The following DPH2 variants were observed in gnomAD, a reference collection of about 807,000 sequenced individuals.
DPH2 encodes 2-(3-amino-3-carboxypropyl)histidine synthase subunit 2.
DPH2 carries 28 observed loss-of-function variants against 42.5 expected under a neutral mutation model. That is an observed-to-expected ratio of 0.66 (90% confidence interval 0.49 to 0.90). The LOEUF (loss-of-function observed/expected upper bound fraction) is 0.90, where lower values mean the gene tolerates loss of function less well. DPH2 is among the 40% of genes least tolerant of loss of function. The probability of loss-of-function intolerance (pLI) is 0.00; values close to 1 mark genes in which losing one functional copy is unlikely to be tolerated. For synonymous variants in DPH2, 279 were observed against 264.4 expected (o/e 1.06, Z -0.53); for missense variants, 576 against 636.0 (o/e 0.91, Z 1.01).
rs747595483 is a variant in DPH2 at position 43,971,451 on chromosome 1, C to A, written c.549C>A (p.Pro183=). Residue 183 remains proline, a synonymous_variant, in exon 4 of 6, where the codon CCC becomes CCA. Transcript: ENST00000255108. The part of the protein sequence containing the change: ...LDLLVSSPAF[P]QPVGSLSPEP... ...TGCTAGTCTCCAGCCCAGCTTTTCC[C>A]CAACCAGTGGGTTCCCTGAGTCCAG... The A allele has an allele frequency of 7.4e-6, 12 of 1,612,818 alleles. No homozygotes were observed. The South Asian group carries it at 1.1e-4, about 15-fold the overall frequency.
Position 43,971,063 on chromosome 1 carries a change from G to T in DPH2, c.358G>T (p.Val120Phe), listed in dbSNP as rs1455953541. 6.4e-7 allele frequency: 1 copy of T among 1,572,208 alleles called. No homozygotes were observed. Among genetic ancestry groups the T allele is most frequent in the Non-Finnish European group, 8.6e-7 (1 of 1,157,628 alleles). ...AAGCCCTCCAGCCCGCCCACTGCCCGTTGCCTTCGTGCTTCGTCAACGTTC... is the reference window on the plus strand; with the variant it reads ...AAGCCCTCCAGCCCGCCCACTGCCCTTTGCCTTCGTGCTTCGTCAACGTTC... Reference protein sequence around the residue: ...CLSPPARPLPVAFVLRQRSVA... With the variant: ...CLSPPARPLPFAFVLRQRSVA... The change falls in exon 3 of 6, where the codon GTT (valine) becomes TTT (phenylalanine). Residue 120 changes from valine to phenylalanine, a missense_variant. Val to Phe is a conservative substitution (Grantham distance 50). Around this residue, in one of 3 missense-constraint regions of DPH2, gnomAD observed 395 missense variants for 435.2 expected, o/e 0.91. Coordinates refer to ENST00000255108, the MANE Select transcript of DPH2 (RefSeq NM_001384.5).
chr1:43,971,123 GC>G lies in DPH2; in HGVS notation c.421del (p.Gln141ArgfsTer12), dbSNP rs889601510. 1.9e-6 allele frequency: 3 copies of G among 1,558,412 alleles called. No homozygotes were observed. In the African/African-American group the frequency reaches 4.1e-5, roughly 21 times the overall value. ...GGAGCTCTGTGTCAAGGCCTTTGAGGCCCAGAACCCAGACCCCAAAGCGCCT... is the reference window on the plus strand; with the variant it reads ...GGAGCTCTGTGTCAAGGCCTTTGAGGCCAGAACCCAGACCCCAAAGCGCCT... ...ALELCVKAFE[A>X]QNPDPKAPVV... is the part of the protein sequence containing the mutation. On this transcript the variant is annotated frameshift_variant, in exon 3 of 6. Transcript: ENST00000255108. LOFTEE classifies it high-confidence loss of function.
chr1:43,970,914 G>A (rs1437702749), intron 2 of DPH2, 52 bp from the exon 3 acceptor site: 1 of 1,530,906 alleles, frequency 6.5e-7, no homozygotes, highest in Non-Finnish European at 8.9e-7. Flanking sequence ...AGTGATGACA[G>A]CAACTCGCCT....
In DPH2 at chr1:43,970,302, C is replaced by T. The variant is rs1481785004; in HGVS notation, c.127C>T (p.Arg43Cys). Reference protein sequence around the residue: ...YELERVAGFVRDLGCERVALQ... With the variant: ...YELERVAGFVCDLGCERVALQ... ...GCTGGAGCGAGTCGCTGGATTTGTC[C>T]GCGACCTGGGGTGTGAACGAGTGAG... The change falls in exon 1 of 6, where the codon CGC becomes TGC. Residue 43 changes from arginine (R) to cysteine (C), a missense_variant. Arg to Cys is a radical substitution (Grantham distance 180). Coordinates refer to ENST00000255108, the MANE Select transcript of DPH2 (RefSeq NM_001384.5). The T allele has an allele frequency of 6.2e-7, 1 of 1,614,096 alleles. No homozygotes were observed. The highest frequency in any genetic ancestry group is 8.5e-7 in the Non-Finnish European group (1 of 1,179,994).
At position 43,970,189 on chromosome 1, in the gene DPH2, T is replaced by G; in HGVS notation, c.14T>G (p.Phe5Cys). The change falls in exon 1 of 6, where the codon TTT (phenylalanine) becomes TGT (cysteine). Residue 5 changes from phenylalanine (F) to cysteine (C), a missense_variant. By Grantham distance (205) the Phe-to-Cys change is radical (BLOSUM62 -2). Around this residue, in one of 3 missense-constraint regions of DPH2, gnomAD observed 395 missense variants for 435.2 expected, o/e 0.91. Coordinates refer to ENST00000255108, the MANE Select transcript of DPH2 (RefSeq NM_001384.5). MESM[F>C]SSPAEAALQR... ...AAGCTGTGCCTCATGGAGTCGATGT[T>G]TAGCAGCCCTGCCGAGGCGGCGCTG... 1 of 1,614,040 alleles carries G rather than the reference T, an allele frequency of 6.2e-7. No homozygotes were observed. Among genetic ancestry groups the G allele is most frequent in the South Asian group, 1.1e-5 (1 of 91,068 alleles).
Position 43,972,646 on chromosome 1 carries a change from T to C in DPH2, c.*107T>C, listed in dbSNP as rs2085460435. The C allele has an allele frequency of 6.6e-7, 1 of 1,510,200 alleles. No homozygotes were observed. Among genetic ancestry groups the C allele is most frequent in the Non-Finnish European group, 9.0e-7 (1 of 1,112,740 alleles). The allele number at this position is 1,510,200 out of a possible 1,614,324, so 93.5% of individuals were successfully genotyped here. A position where few individuals can be genotyped will look rare whatever the true frequency, so the allele number is the denominator to read the frequency against. On this transcript the variant is annotated 3_prime_UTR_variant, in exon 6 of 6. Coordinates refer to ENST00000255108, the MANE Select transcript of DPH2 (RefSeq NM_001384.5). ...CCCTGCCAAGATCCTTGAAGGACCC[T>C]GGAAGGAGGGAGAGCAGGCAGCCCT...
chr1:43,970,771 A>G (rs756206247), intron 2 of DPH2, 63 bp downstream of exon 2: 7 of 1,489,916 alleles, frequency 4.7e-6, no homozygotes, highest in African/African-American at 1.4e-5. Flanking sequence ...TTTTACGTCT[A>G]TGACAGTGAT....
chr1:43,972,744 T>G lies in DPH2; in HGVS notation c.*205T>G, dbSNP rs2085462650. On this transcript the variant is annotated 3_prime_UTR_variant, in exon 6 of 6. Coordinates refer to ENST00000255108, the MANE Select transcript of DPH2 (RefSeq NM_001384.5). ...TCAGCACATGCCCAGTAATGCGTGT[T>G]GTTTGGCTGATGGAATAAAGGGCTT... The G allele has an allele frequency of 1.5e-6, 1 of 671,952 alleles. No individual in the cohort carries two copies. Among genetic ancestry groups the G allele is most frequent in the Non-Finnish European group, 2.4e-6 (1 of 410,338 alleles). The allele number at this position is 671,952 out of a possible 1,614,324, so 41.6% of individuals were successfully genotyped here. A position where few individuals can be genotyped will look rare whatever the true frequency, so the allele number is the denominator to read the frequency against.
rs1166073957 is a variant in DPH2 at position 43,971,763 on chromosome 1, G to A, written c.861G>A (p.Leu287=). The A allele has an allele frequency of 2.5e-6, 4 of 1,609,970 alleles. No homozygotes were observed. The highest frequency in any genetic ancestry group is 2.5e-6 in the Non-Finnish European group (3 of 1,179,746). The change falls in exon 4 of 6, where the codon CTG becomes CTA. Residue 287 remains leucine, a synonymous_variant. Transcript: ENST00000255108. Reference sequence around the variant, plus strand: ...GAGATGCCCGCGTGGTAGGGCTGCTGGCAGGCACACTGGGTGTAGCCCAAC... The same window carrying A: ...GAGATGCCCGCGTGGTAGGGCTGCTAGCAGGCACACTGGGTGTAGCCCAAC... ...RARDARVVGL[L]AGTLGVAQHR...
Position 43,972,447 on chromosome 1 carries a change from C to G in DPH2, c.1378C>G (p.Leu460Val), listed in dbSNP as rs2085454883. ...SFLSSRSWQG[L>V]EPRLGQTPVT... ...CCTTAGTTCCCGGAGCTGGCAAGGGCTGGAGCCCCGCCTGGGTCAGACGCC... is the reference window on the plus strand; with the variant it reads ...CCTTAGTTCCCGGAGCTGGCAAGGGGTGGAGCCCCGCCTGGGTCAGACGCC... The change falls in exon 6 of 6, where the codon CTG (leucine) becomes GTG (valine). Residue 460 changes from leucine to valine, a missense_variant. Leu to Val is a conservative substitution (Grantham distance 32). Coordinates refer to ENST00000255108, the MANE Select transcript of DPH2 (RefSeq NM_001384.5). 1 of 1,614,246 alleles carries G rather than the reference C, an allele frequency of 6.2e-7. No individual in the cohort carries two copies. The highest frequency in any genetic ancestry group is 8.5e-7 in the Non-Finnish European group (1 of 1,180,040).
In DPH2 at chr1:43,970,306, A is replaced by G. The variant is rs1201009507; in HGVS notation, c.131A>G (p.Asp44Gly). The change falls in exon 1 of 6, where the codon GAC becomes GGC. Residue 44 changes from aspartate (D) to glycine (G), a missense_variant. Asp to Gly is a moderately conservative substitution (Grantham distance 94). This residue lies in a region of DPH2 where 395 missense variants were observed against 435.2 expected (regional missense o/e 0.91). Transcript: ENST00000255108. ...GAGCGAGTCGCTGGATTTGTCCGCG[A>G]CCTGGGGTGTGAACGAGTGAGGACA... is the stretch of plus-strand genomic sequence containing the variant. The part of the protein sequence containing the change: ...ELERVAGFVR[D>G]LGCERVALQF... 6.2e-7 allele frequency: 1 copy of G among 1,614,052 alleles called. No individual in the cohort carries two copies. Among genetic ancestry groups the G allele is most frequent in the Non-Finnish European group, 8.5e-7 (1 of 1,179,984 alleles).
chr1:43,972,662 A>G lies in DPH2; in HGVS notation c.*123A>G. The G allele has an allele frequency of 7.0e-7, 1 of 1,421,400 alleles. No homozygotes were observed. The highest frequency in any genetic ancestry group is 1.3e-5 in the South Asian group (1 of 75,960). The allele number at this position is 1,421,400 out of a possible 1,614,324, so 88.0% of individuals were successfully genotyped here. A position where few individuals can be genotyped will look rare whatever the true frequency, so the allele number is the denominator to read the frequency against. ...GAAGGACCCTGGAAGGAGGGAGAGCAGGCAGCCCTTCACAGGATAGGATCC... is the reference window on the plus strand; with the variant it reads ...GAAGGACCCTGGAAGGAGGGAGAGCGGGCAGCCCTTCACAGGATAGGATCC... On this transcript the variant is annotated 3_prime_UTR_variant, in exon 6 of 6. Transcript: ENST00000255108.
At chr1:43,971,310 C>T (rs1325088803) in intron 3 of DPH2, 77 bp from the exon 4 acceptor site, 2 of 1,528,924 alleles carry the variant, frequency 1.3e-6, no homozygotes, top group Non-Finnish European at 1.8e-6. Context: ...CCTACTGGGT[C>T]ATATTTAGTC....
In DPH2 at chr1:43,970,067, C is replaced by G; in HGVS notation, c.-109C>G. 1 of 1,320,380 alleles carries G rather than the reference C, an allele frequency of 7.6e-7. No homozygotes were observed. Among genetic ancestry groups the G allele is most frequent in the Non-Finnish European group, 1.0e-6 (1 of 965,962 alleles). The allele number at this position is 1,320,380 out of a possible 1,614,324, so 81.8% of individuals were successfully genotyped here. A position where few individuals can be genotyped will look rare whatever the true frequency, so the allele number is the denominator to read the frequency against. ...GGCTGAAGGCCGACTGTGATTCCCC[C>G]TACCCCCACAAGGCGATTTTGACCC... On this transcript the variant is annotated 5_prime_UTR_variant, in exon 1 of 6. Coordinates refer to ENST00000255108, the MANE Select transcript of DPH2 (RefSeq NM_001384.5).
rs1390415496 is a variant in DPH2, at chr1:43,970,018, G to A, written c.-158G>A. On this transcript the variant is annotated 5_prime_UTR_variant, in exon 1 of 6. Transcript: ENST00000255108. ...ACGTGTAGCGGAGAAACAGTAGTTA[G>A]GATGGCTGAAGGGGATACTCACCGG... 4 of 812,136 alleles carry A rather than the reference G, an allele frequency of 4.9e-6. No individual in the cohort carries two copies. Among genetic ancestry groups the A allele is most frequent in the African/African-American group, 3.5e-5 (2 of 57,512 alleles). The allele number at this position is 812,136 out of a possible 1,614,324, so 50.3% of individuals were successfully genotyped here.
In DPH2 at chr1:43,971,864, G is replaced by A. The variant is rs201127070; in HGVS notation, c.962G>A (p.Arg321Gln). The change falls in exon 4 of 6, where the codon CGG (arginine) becomes CAG (glutamine). Residue 321 changes from arginine (R) to glutamine (Q), a missense_variant. Around this residue, in one of 3 missense-constraint regions of DPH2, gnomAD observed 395 missense variants for 435.2 expected, o/e 0.91. Coordinates refer to ENST00000255108, the MANE Select transcript of DPH2 (RefSeq NM_001384.5). ...GKRSYVLALG[R>Q]PTPAKLANFP... Reference sequence around the variant, plus strand: ...CGTAGCTATGTGTTGGCCCTGGGGCGGCCCACCCCTGCCAAGCTTGCCAAC... The same window carrying A: ...CGTAGCTATGTGTTGGCCCTGGGGCAGCCCACCCCTGCCAAGCTTGCCAAC... 2 of 1,614,108 alleles carry A rather than the reference G, an allele frequency of 1.2e-6. No homozygotes were observed. Among genetic ancestry groups the A allele is most frequent in the Non-Finnish European group, 8.5e-7 (1 of 1,180,042 alleles).
At chr1:43,970,506 G>A in intron 1 of DPH2, 90 bp from the exon 2 acceptor site, 1 of 1,546,466 alleles carries the variant, frequency 6.5e-7, no homozygotes, top group East Asian at 2.3e-5. Flanking sequence ...CAGGGGCTTT[G>A]AAGGTTGAGT....
chr1:43,973,226 G>A lies in DPH2; in HGVS notation c.*687G>A, dbSNP rs2085473405. On this transcript the variant is annotated 3_prime_UTR_variant, in exon 6 of 6. Coordinates refer to ENST00000255108, the MANE Select transcript of DPH2 (RefSeq NM_001384.5). ...TCTCAGTCACATTAGTCATTCAAGT[G>A]TTCAGACAGCCACATGAGGGGACAG... 6.6e-6 allele frequency: 1 copy of A among 152,278 alleles called. No homozygotes were observed. The highest frequency in any genetic ancestry group is 6.5e-5 in the Admixed American group (1 of 15,288). 9.4% of individuals were successfully genotyped at this position (152,278 alleles called of 1,614,324 possible).
In DPH2 at chr1:43,971,013, T is replaced by C; in HGVS notation, c.308T>C (p.Leu103Pro). The change falls in exon 3 of 6, where the codon CTC (leucine) becomes CCC (proline). Residue 103 changes from leucine to proline, a missense_variant. Around this residue, in one of 3 missense-constraint regions of DPH2, gnomAD observed 395 missense variants for 435.2 expected, o/e 0.91. Coordinates refer to ENST00000255108, the MANE Select transcript of DPH2 (RefSeq NM_001384.5). ...GCTGAGCAAGCTGGAGCTCAGGCTC[T>C]CATACATTTTGGCCCTGCCTGCTTA... ...LGAEQAGAQA[L>P]IHFGPACLSP... The C allele has an allele frequency of 1.3e-6, 2 of 1,586,074 alleles. No individual in the cohort carries two copies. The highest frequency in any genetic ancestry group is 1.7e-6 in the Non-Finnish European group (2 of 1,165,334).
Sources: gnomAD v4.1 joint callset for allele counts on GRCh38, gnomAD v4.1.1 for gene constraint, gnomAD v4.1.1 regional missense constraint, MANE v1.5 for transcripts, NCBI Gene and HGNC (gene_info 2026-07-23, HGNC 2026-07-21) for gene names.